Variants in SRSF7 observed in about 807,000 individuals in gnomAD.
The protein encoded by SRSF7 is serine and arginine rich splicing factor 7.
A neutral mutation model predicts 42.2 loss-of-function variants in SRSF7; 15 were observed. The observed-to-expected ratio is 0.36, with a 90% CI of 0.24 to 0.55. The LOEUF (loss-of-function observed/expected upper bound fraction) is 0.55. Ranked by LOEUF, SRSF7 falls within the 20% of genes least tolerant of loss-of-function variation. The pLI is 0.88. For missense variants in SRSF7, 181 were observed against 305.9 expected (o/e 0.59, Z 3.04); for synonymous variants, 138 against 107.9 (o/e 1.28, Z -1.73).
At chr2:38,748,831 G>T in intron 3 of SRSF7, 178 bp from the exon 4 acceptor site, 3 of 1,287,464 alleles carry the variant, frequency 2.3e-6, no homozygotes, top group Non-Finnish European at 3.1e-6. Context: ...AAAAAGATTT[G>T]TTAAAAGCTG....
At chr2:38,749,192 A>T in intron 3 of SRSF7, 3 of 1,336,368 alleles carry the variant, frequency 2.2e-6, no homozygotes, top group Non-Finnish European at 3.0e-6. Flanking sequence ...AATAAGGTGA[A>T]GCTAGGTGTA....
rs374060715 is a variant in SRSF7, at chr2:38,748,190, GTTTT to G, written c.462-37_462-34del. 41 of 1,299,552 alleles carry G rather than the reference GTTTT, an allele frequency of 3.2e-5. No homozygotes were observed. In the South Asian group the frequency reaches 3.4e-4, roughly 11 times the overall value. 80.5% of individuals were successfully genotyped at this position (1,299,552 alleles called of 1,614,324 possible). On this transcript the variant is annotated intron_variant, in intron 4 of 7. Coordinates refer to ENST00000313117, the MANE Select transcript of SRSF7 (RefSeq NM_001031684.3). ...AAAGAACTTTAAGTCCATCTCCACA[GTTTT>G]TTTTTTTTTTGGCCTGTTAAGACTT...
chr2:38,751,335 A>C lies in SRSF7; in HGVS notation c.-79T>G. The stretch of plus-strand genomic sequence containing the variant: ...GACGCAAAAGCTGACACACACCTTC[A>C]CCCGCCAAGAGTCCCGGCGGCACTA... On this transcript the variant is annotated 5_prime_UTR_variant, in exon 1 of 8. Transcript: ENST00000313117. The C allele has an allele frequency of 1.1e-3, 1,642 of 1,561,960 alleles. 1 individual carries two copies. The highest frequency in any genetic ancestry group is 5.5e-3 in the African/African-American group (400 of 73,218).
chr2:38,750,447 G>A (rs929915277), intron 1 of SRSF7, among the ~76,000 whole-genome samples: 6 of 151,876 alleles, frequency 4.0e-5, no homozygotes, highest in African/African-American at 1.4e-4. Flanking sequence ...ACGCGTGGTA[G>A]GATACACCGA....
Position 38,743,705 on chromosome 2 carries a change from T to C in SRSF7, c.*1428A>G. On this transcript the variant is annotated 3_prime_UTR_variant, in exon 8 of 8. Coordinates refer to ENST00000313117, the MANE Select transcript of SRSF7 (RefSeq NM_001031684.3). ...AACAGATAAATAAGCCTGCCAGTTA[T>C]ACACATAACTTTATACCAACCATAA... is the stretch of plus-strand genomic sequence containing the variant. 2 of 152,682 alleles carry C rather than the reference T, an allele frequency of 1.3e-5. No individual in the cohort carries two copies. The highest frequency in any genetic ancestry group is 1.9e-4 in the East Asian group (1 of 5,204). 9.5% of individuals were successfully genotyped at this position (152,682 alleles called of 1,614,324 possible). A position where few individuals can be genotyped will look rare whatever the true frequency, so the allele number is the denominator to read the frequency against.
chr2:38,749,640 T>C lies in SRSF7; in HGVS notation c.275A>G (p.Asp92Gly). 2 of 1,605,022 alleles carry C rather than the reference T, an allele frequency of 1.2e-6. No homozygotes were observed. Among genetic ancestry groups the C allele is most frequent in the Non-Finnish European group, 1.7e-6 (2 of 1,177,642 alleles). ...AAAGGGACGTCGGGCAGGTGGTCTA[T>C]CAAAACGTGATCTCCGAGGCATGCC... Reference protein sequence around the residue: ...STGMPRRSRFDRPPARRPFDP... With the variant: ...STGMPRRSRFGRPPARRPFDP... Residue 92 changes from aspartate (D) to glycine (G), a missense_variant, in exon 3 of 8, where the codon GAT (aspartate) becomes GGT (glycine). By Grantham distance (94) the Asp-to-Gly change is moderately conservative. Around this residue, in one of 2 missense-constraint regions of SRSF7, gnomAD observed 45 missense variants for 158.1 expected, o/e 0.28. Coordinates refer to ENST00000313117, the MANE Select transcript of SRSF7 (RefSeq NM_001031684.3).
At position 38,751,306 on chromosome 2, in the gene SRSF7, G is replaced by A; in HGVS notation, c.-50C>T. 20 of 1,613,346 alleles carry A rather than the reference G, an allele frequency of 1.2e-5. No homozygotes were observed. Among genetic ancestry groups the A allele is most frequent in the Middle Eastern group, 1.6e-4 (1 of 6,082 alleles). ...CTTTAGCAAGCAGCGCCCAGGGCTC[G>A]AGTGACGCAAAAGCTGACACACACC... On this transcript the variant is annotated 5_prime_UTR_variant, in exon 1 of 8. Coordinates refer to ENST00000313117, the MANE Select transcript of SRSF7 (RefSeq NM_001031684.3).
At position 38,746,765 on chromosome 2, in the gene SRSF7, A is replaced by G. The variant is rs1033683072; in HGVS notation, c.573-18T>C. The G allele has an allele frequency of 6.2e-6, 10 of 1,613,366 alleles. No individual in the cohort carries two copies. The highest frequency in any genetic ancestry group is 1.7e-4 in the Middle Eastern group (1 of 6,060). On this transcript the variant is annotated intron_variant, in intron 5 of 7. Coordinates refer to ENST00000313117, the MANE Select transcript of SRSF7 (RefSeq NM_001031684.3). The stretch of plus-strand genomic sequence containing the variant: ...ACGGGGATCTTAATAAAAAAAGTGA[A>G]AAACACAATTATATCAATCAGTCCA...
Position 38,751,327 on chromosome 2 carries a change from A to ACACCTTCACCCGC in SRSF7, c.-84_-72dup. ...GCTCGAGTGACGCAAAAGCTGACAC[A>ACACCTTCACCCGC]CACCTTCACCCGCCAAGAGTCCCGG... On this transcript the variant is annotated 5_prime_UTR_variant, in exon 1 of 8. Coordinates refer to ENST00000313117, the MANE Select transcript of SRSF7 (RefSeq NM_001031684.3). 6.2e-7 allele frequency: 1 copy of ACACCTTCACCCGC among 1,604,878 alleles called. No individual in the cohort carries two copies. Among genetic ancestry groups the ACACCTTCACCCGC allele is most frequent in the East Asian group, 2.2e-5 (1 of 44,714 alleles).
In SRSF7 at chr2:38,743,945, G is replaced by C; in HGVS notation, c.*1188C>G. The C allele has an allele frequency of 6.7e-6, 1 of 149,590 alleles. No individual in the cohort carries two copies. The highest frequency in any genetic ancestry group is 1.5e-5 in the Non-Finnish European group (1 of 67,658). 9.3% of individuals were successfully genotyped at this position (149,590 alleles called of 1,614,324 possible). A position where few individuals can be genotyped will look rare whatever the true frequency, so the allele number is the denominator to read the frequency against. ...GCTAGAGAATGCCTGGTAAAAGCTTGACCAGAAAACTCTCAAAAGTAACTG... is the reference window on the plus strand; with the variant it reads ...GCTAGAGAATGCCTGGTAAAAGCTTCACCAGAAAACTCTCAAAAGTAACTG... On this transcript the variant is annotated 3_prime_UTR_variant, in exon 8 of 8. Coordinates refer to ENST00000313117, the MANE Select transcript of SRSF7 (RefSeq NM_001031684.3).
intron 1 of SRSF7, 166 bp downstream of exon 1, chr2:38,751,063 C>T (rs1457747614): frequency 2.5e-6 from 2 of 810,640 alleles, no homozygotes; most frequent in Admixed American, 2.1e-5. Context: ...GCCATCCCGT[C>T]TCCCTTCAGC....
In SRSF7 at chr2:38,750,308, G is replaced by A. The variant is rs180809893; in HGVS notation, c.29-114C>T. 9.6e-5 allele frequency: 88 copies of A among 913,048 alleles called. No individual in the cohort carries two copies. In the East Asian group the frequency reaches 2.0e-3, roughly 20 times the overall value. 56.6% of individuals were successfully genotyped at this position (913,048 alleles called of 1,614,324 possible). A position where few individuals can be genotyped will look rare whatever the true frequency, so the allele number is the denominator to read the frequency against. ...CAAGATTGGGTAAAGCACATTTAATGCCCTCTATCCAAGACAAAACTTAGT... is the reference window on the plus strand; with the variant it reads ...CAAGATTGGGTAAAGCACATTTAATACCCTCTATCCAAGACAAAACTTAGT... On this transcript the variant is annotated intron_variant, in intron 1 of 7. Transcript: ENST00000313117.
chr2:38,749,198 G>A, intron 3 of SRSF7: 3 of 1,341,104 alleles, frequency 2.2e-6, no homozygotes, highest in Non-Finnish European at 3.0e-6. Flanking sequence ...GTGAAGCTAG[G>A]TGTAGATGAC....
chr2:38,749,087 C>G, intron 3 of SRSF7: 2 of 1,313,374 alleles, frequency 1.5e-6, no homozygotes, highest in Non-Finnish European at 2.0e-6. Flanking sequence ...TGTGGTCAAT[C>G]TGGTGTTCCT....
chr2:38,748,482 G>C (rs535495517), intron 4 of SRSF7, 97 bp downstream of exon 4: 1 of 1,238,288 alleles, frequency 8.1e-7, no homozygotes. Flanking sequence ...GACAGAGCAA[G>C]ACCCTGTCTC....
At chr2:38,745,657 GA>G (rs909989473) in intron 7 of SRSF7, among the ~76,000 whole-genome samples, 215 of 139,976 alleles carry the variant, frequency 1.5e-3, no homozygotes, top group Non-Finnish European at 1.9e-3. Context: ...CTCCATCCCA[GA>G]AAAAAAAAAA....
In SRSF7 at chr2:38,744,831, A is replaced by G; in HGVS notation, c.*302T>C. ...GTATGTATGAATAAGGTTAACAATT[A>G]TAATGTCTGACTCTCAAATATATCA... On this transcript the variant is annotated 3_prime_UTR_variant, in exon 8 of 8. Transcript: ENST00000313117. 3.3e-6 allele frequency: 1 copy of G among 307,244 alleles called. No individual in the cohort carries two copies. The highest frequency in any genetic ancestry group is 6.5e-5 in the East Asian group (1 of 15,364). The allele number at this position is 307,244 out of a possible 1,614,324, so 19.0% of individuals were successfully genotyped here.
upstream of SRSF7, chr2:38,751,490 A>AT: frequency 1.8e-6 from 1 of 571,392 alleles, no homozygotes; most frequent in Middle Eastern, 4.6e-4. Flanking sequence ...GGAACTGAAG[A>AT]GACTAACACG....
At chr2:38,748,969 G>T in intron 3 of SRSF7, 2 of 1,297,616 alleles carry the variant, frequency 1.5e-6, no homozygotes, top group Admixed American at 2.9e-5. Context: ...AGTATCTATA[G>T]CCGATCGCTG....
Sources: gnomAD v4.1 joint callset for allele counts (sites outside exome capture counted in the v4.1 genomes callset) on GRCh38, gnomAD v4.1.1 for gene constraint, gnomAD v4.1.1 regional missense constraint, MANE v1.5 for transcripts, NCBI Gene and HGNC (gene_info 2026-07-23, HGNC 2026-07-21) for gene names.